Variants in RYR2 observed in about 807,000 individuals in gnomAD.
The protein encoded by RYR2 is cardiac muscle ryanodine receptor-calcium release channel.
Under a neutral mutation model 601.1 loss-of-function variants are expected in RYR2, and 227 were observed. The observed-to-expected ratio is 0.38, with a 90% CI of 0.34 to 0.42. The LOEUF (loss-of-function observed/expected upper bound fraction) is 0.42, where lower values mean the gene tolerates loss of function less well. Ranked by LOEUF, RYR2 falls within the 10% of genes least tolerant of loss-of-function variation. RYR2 has a pLI of 1.00. For synonymous variants in RYR2, 2,223 were observed against 2,175.1 expected, an observed-to-expected ratio of 1.02 and a Z score of -0.61; for missense variants, 4,646 against 6,156.5, an observed-to-expected ratio of 0.75 and a Z score of 8.21.
chr1:237,277,591 C>T (rs879485388), intron 2 of RYR2, among the ~76,000 whole-genome samples: 3 of 152,072 alleles, frequency 2.0e-5, no homozygotes, highest in Non-Finnish European at 2.9e-5. Flanking sequence ...ATAGCGAGAC[C>T]CTGTGTCTCT....
intron 1 of RYR2, among the ~76,000 whole-genome samples, chr1:237,133,610 C>T (rs1226079710): frequency 6.6e-6 from 1 of 151,956 alleles, no homozygotes; most frequent in Non-Finnish European, 1.5e-5. Flanking sequence ...TTAGACATTC[C>T]CCCAGTTGTT....
At chr1:237,823,779 G>T (rs541567440) in intron 101 of RYR2, among the ~76,000 whole-genome samples, 6 of 152,020 alleles carry the variant, frequency 3.9e-5, no homozygotes, top group Non-Finnish European at 8.8e-5. Flanking sequence ...TAGACAGACT[G>T]CTAGCCAGAC....
intron 1 of RYR2, among the ~76,000 whole-genome samples, chr1:237,082,421 C>A (rs1476321365): frequency 1.3e-5 from 2 of 151,094 alleles, no homozygotes; most frequent in East Asian, 3.9e-4. Context: ...ATTGTCGATG[C>A]ACCTTTGTAT....
At chr1:237,771,904 C>T (rs1573887105) in intron 85 of RYR2, 108 bp from the exon 86 acceptor site, 1 of 677,324 alleles carries the variant, frequency 1.5e-6, no homozygotes, top group Non-Finnish European at 2.7e-6. Context: ...AAACACTGCA[C>T]TAACCCACAA....
chr1:237,730,050 G>A (rs1339295014), intron 76 of RYR2, among the ~76,000 whole-genome samples: 3 of 152,102 alleles, frequency 2.0e-5, no homozygotes, highest in Non-Finnish European at 4.4e-5. Flanking sequence ...TACAAAGCTT[G>A]GAAATGACTG....
chr1:237,629,335 C>T (rs554022515), intron 41 of RYR2, among the ~76,000 whole-genome samples: 24 of 151,046 alleles, frequency 1.6e-4, no homozygotes, highest in African/African-American at 2.2e-4. Context: ...AATATATGCA[C>T]GCAGGAAATC....
intron 1 of RYR2, among the ~76,000 whole-genome samples, chr1:237,049,204 T>A (rs1558141706): frequency 6.6e-6 from 1 of 152,088 alleles, no homozygotes; most frequent in African/African-American, 2.4e-5. Context: ...AAATTAAGGA[T>A]TAATTGAGTC....
intron 67 of RYR2, among the ~76,000 whole-genome samples, chr1:237,706,615 C>G (rs185677369): frequency 6.6e-6 from 1 of 152,006 alleles, no homozygotes; most frequent in African/African-American, 2.4e-5. Context: ...AAAACTTCCT[C>G]GAAAACGGGG....
chr1:237,262,163 A>G (rs1189716005), intron 1 of RYR2, among the ~76,000 whole-genome samples: 2 of 140,302 alleles, frequency 1.4e-5, no homozygotes, highest in Admixed American at 1.5e-4. Flanking sequence ...ATCATGTCTT[A>G]TTTACTCATC....
intron 63 of RYR2, among the ~76,000 whole-genome samples, chr1:237,693,288 A>C (rs897823862): frequency 6.6e-6 from 1 of 152,090 alleles, no homozygotes; most frequent in Non-Finnish European, 1.5e-5. Context: ...AATAACACAT[A>C]ATTAATGACC....
chr1:237,397,757 T>C (rs1481486848), intron 10 of RYR2, among the ~76,000 whole-genome samples: 2 of 150,868 alleles, frequency 1.3e-5, no homozygotes. Context: ...AGTCTTGCTC[T>C]GTCACCCAGG....
At chr1:237,200,526 A>G (rs1181513882) in intron 1 of RYR2, among the ~76,000 whole-genome samples, 1 of 152,082 alleles carries the variant, frequency 6.6e-6, no homozygotes, top group East Asian at 1.9e-4. Context: ...TGGCCCTCCA[A>G]CGTGCTGGGA....
At chr1:237,829,204 G>A (rs1053483572) in intron 102 of RYR2, among the ~76,000 whole-genome samples, 4 of 152,190 alleles carry the variant, frequency 2.6e-5, no homozygotes, top group Non-Finnish European at 5.9e-5. Flanking sequence ...TTTAAGCAGA[G>A]CAGCCAGATG....
chr1:237,057,441 T>C (rs1229590516), intron 1 of RYR2, among the ~76,000 whole-genome samples: 1 of 152,072 alleles, frequency 6.6e-6, no homozygotes, highest in Non-Finnish European at 1.5e-5. Context: ...CACCTCAGCC[T>C]CCCAAAGTGC....
At chr1:237,210,992 G>C (rs1337577033) in intron 1 of RYR2, among the ~76,000 whole-genome samples, 1 of 150,730 alleles carries the variant, frequency 6.6e-6, no homozygotes, top group South Asian at 2.1e-4. Flanking sequence ...CCGCAGAGAC[G>C]TCTCACACAG....
At chr1:237,317,240 ACT>A (rs1443000734) in intron 2 of RYR2, among the ~76,000 whole-genome samples, 1 of 152,218 alleles carries the variant, frequency 6.6e-6, no homozygotes, top group Admixed American at 6.5e-5. Flanking sequence ...AAACCGAATA[ACT>A]CTACCTCAGA....
At chr1:237,057,384 G>A (rs112057005) in intron 1 of RYR2, among the ~76,000 whole-genome samples, 7,063 of 151,946 alleles carry the variant, frequency 0.046, 235 homozygotes, top group African/African-American at 0.095. Context: ...ATGGGGTTTC[G>A]CCACGTTAGC....
chr1:237,235,876 A>T (rs1463492019), intron 1 of RYR2, among the ~76,000 whole-genome samples: 1 of 152,196 alleles, frequency 6.6e-6, no homozygotes, highest in Non-Finnish European at 1.5e-5. Flanking sequence ...TGTGTCGTGC[A>T]TATGTATGTT....
At chr1:237,632,947 G>T (rs113539438) in intron 42 of RYR2, among the ~76,000 whole-genome samples, 1 of 152,036 alleles carries the variant, frequency 6.6e-6, no homozygotes, top group African/African-American at 2.4e-5. Context: ...TATTACAGAA[G>T]AACTCCAGAG....
Sources: allele counts gnomAD v4.1 joint callset (sites outside exome capture counted in the v4.1 genomes callset), GRCh38; gene constraint gnomAD v4.1.1; transcripts MANE v1.5; gene names NCBI Gene and HGNC (gene_info 2026-07-23, HGNC 2026-07-21).